The following ELP4 variants were observed in gnomAD, a reference collection of about 807,000 sequenced individuals.
The protein encoded by ELP4 is elongator complex protein 4.
In ELP4, 51 loss-of-function variants were observed where a neutral mutation model predicts 48.9. The observed-to-expected ratio is 1.04, with a 90% CI of 0.83 to 1.32. ELP4 has a LOEUF of 1.32. Among genes scored for constraint, ELP4 ranks in the 40% most tolerant of loss-of-function variants. The probability of loss-of-function intolerance (pLI) is 0.00; values close to 1 mark genes in which losing one functional copy is unlikely to be tolerated. For synonymous variants in ELP4, 210 were observed against 189.2 expected (o/e 1.11, Z -0.90); for missense variants, 519 against 514.6 (o/e 1.01, Z -0.08).
At chr11:31,525,887 A>G (rs564152338) in intron 2 of ELP4, among the ~76,000 whole-genome samples, 7 of 152,202 alleles carry the variant, frequency 4.6e-5, no homozygotes, top group African/African-American at 1.7e-4. Context: ...AGCTGTTCCA[A>G]TGGTCTGGTC....
At chr11:31,738,565 A>T (rs1947373356) in intron 9 of ELP4, among the ~76,000 whole-genome samples, 1 of 152,030 alleles carries the variant, frequency 6.6e-6, no homozygotes, top group Non-Finnish European at 1.5e-5. Context: ...GCAAAACCCC[A>T]TCTCTACAAA....
chr11:31,751,297 A>G (rs911550610), intron 9 of ELP4, among the ~76,000 whole-genome samples: 1 of 152,234 alleles, frequency 6.6e-6, no homozygotes, highest in East Asian at 1.9e-4. Context: ...AAGCCTCTAC[A>G]TATGTCCAGC....
At chr11:31,647,667 C>A in intron 7 of ELP4, 74 bp from the exon 8 acceptor site, 2 of 902,474 alleles carry the variant, frequency 2.2e-6, no homozygotes, top group South Asian at 1.5e-5. Context: ...CATGAGATGG[C>A]ATAGGGATAT....
At chr11:31,582,935 CCCCTCTATAT>C (rs1342961169) in intron 3 of ELP4, among the ~76,000 whole-genome samples, 1 of 152,036 alleles carries the variant, frequency 6.6e-6, no homozygotes, top group Non-Finnish European at 1.5e-5. Flanking sequence ...AGTCCTTTCA[CCCCTCTATAT>C]GAAGACTTTC....
At chr11:31,738,427 A>T (rs1947369943) in intron 9 of ELP4, among the ~76,000 whole-genome samples, 1 of 151,234 alleles carries the variant, frequency 6.6e-6, no homozygotes, top group African/African-American at 2.4e-5. Context: ...AAAATAAATG[A>T]ATAAATAAAA....
intron 3 of ELP4, among the ~76,000 whole-genome samples, chr11:31,558,130 C>G (rs1956958416): frequency 6.6e-6 from 1 of 151,684 alleles, no homozygotes; most frequent in South Asian, 2.1e-4. Flanking sequence ...TGTTTGACCC[C>G]AGGGTTTCAC....
intron 9 of ELP4, among the ~76,000 whole-genome samples, chr11:31,745,966 G>T (rs1565137877): frequency 6.6e-6 from 1 of 152,126 alleles, no homozygotes; most frequent in Non-Finnish European, 1.5e-5. Flanking sequence ...CCTACAGAAT[G>T]GGAGAAAATT....
chr11:31,562,913 C>A (rs1957045032), intron 3 of ELP4, among the ~76,000 whole-genome samples: 1 of 151,992 alleles, frequency 6.6e-6, no homozygotes, highest in Admixed American at 6.6e-5. Flanking sequence ...GAAGATAATA[C>A]AGGGAATATA....
At chr11:31,532,292 G>T (rs568636490) in intron 2 of ELP4, among the ~76,000 whole-genome samples, 80 of 152,286 alleles carry the variant, frequency 5.3e-4, no homozygotes, top group Admixed American at 1.2e-3. Context: ...CATAAAACAT[G>T]TTTGCTAAGT....
chr11:31,564,905 C>T (rs1395424851), intron 3 of ELP4, among the ~76,000 whole-genome samples: 2 of 152,130 alleles, frequency 1.3e-5, no homozygotes, highest in Non-Finnish European at 2.9e-5. Context: ...AATGGGATGG[C>T]TGGGTCAAAT....
intron 4 of ELP4, among the ~76,000 whole-genome samples, chr11:31,596,405 A>G (rs1476944174): frequency 6.6e-6 from 1 of 152,172 alleles, no homozygotes. Context: ...CTCCGTCTCA[A>G]AAAACATGTA....
At chr11:31,614,614 G>T (rs1220343636) in intron 5 of ELP4, among the ~76,000 whole-genome samples, 1 of 152,184 alleles carries the variant, frequency 6.6e-6, no homozygotes, top group South Asian at 2.1e-4. Context: ...TTTTACAGTG[G>T]AGAAGACTAG....
intron 9 of ELP4, among the ~76,000 whole-genome samples, chr11:31,691,132 G>A (rs1221288636): frequency 6.6e-6 from 1 of 151,968 alleles, no homozygotes; most frequent in African/African-American, 2.4e-5. Flanking sequence ...CATGACTAAA[G>A]ATGAATTTCT....
At chr11:31,648,710 G>C (rs1488698838) in intron 8 of ELP4, 1 of 151,398 alleles carries the variant, frequency 6.6e-6, no homozygotes, top group Non-Finnish European at 1.5e-5. Flanking sequence ...AGTATTATGA[G>C]CTTATGCATT....
intron 9 of ELP4, among the ~76,000 whole-genome samples, chr11:31,668,553 T>C (rs1219047367): frequency 6.6e-6 from 1 of 151,670 alleles, no homozygotes; most frequent in Non-Finnish European, 1.5e-5. Context: ...CTCAAACTCC[T>C]GGGCTCAAGC....
intron 4 of ELP4, among the ~76,000 whole-genome samples, chr11:31,598,419 C>T (rs2133994728): frequency 6.6e-6 from 1 of 151,666 alleles, no homozygotes; most frequent in East Asian, 1.9e-4. Flanking sequence ...GGTGTACCTG[C>T]CATTGGCTTT....
intron 3 of ELP4, among the ~76,000 whole-genome samples, chr11:31,587,946 T>C (rs905797718): frequency 6.6e-6 from 1 of 152,284 alleles, no homozygotes; most frequent in East Asian, 1.9e-4. Context: ...CAACAGAACA[T>C]TATAGTTGAT....
chr11:31,705,025 T>C (rs73475673), intron 9 of ELP4, among the ~76,000 whole-genome samples: 1 of 149,384 alleles, frequency 6.7e-6, no homozygotes, highest in Non-Finnish European at 1.5e-5. Context: ...AAAAAAAAAA[T>C]TATATAGTAT....
intron 3 of ELP4, among the ~76,000 whole-genome samples, chr11:31,582,066 T>C (rs1286380992): frequency 6.6e-6 from 1 of 152,182 alleles, no homozygotes; most frequent in Admixed American, 6.5e-5. Context: ...TTTCTATGTC[T>C]TTAGAAAGCC....
Sources: allele counts gnomAD v4.1 joint callset (sites outside exome capture counted in the v4.1 genomes callset), GRCh38; gene constraint gnomAD v4.1.1; transcripts MANE v1.5; gene names NCBI Gene and HGNC (gene_info 2026-07-23, HGNC 2026-07-21).